POU2F3: variants seen among roughly 807,000 people sequenced by gnomAD.
POU2F3 encodes the protein POU domain, class 2, transcription factor 3.
A neutral mutation model predicts 59.2 loss-of-function variants in POU2F3; 23 were observed. The ratio of observed to expected loss-of-function variants is 0.39; its 90% CI spans 0.28 to 0.55. The LOEUF is 0.55. Among genes scored for constraint, POU2F3 ranks in the 20% least tolerant of loss-of-function variants. The probability of loss-of-function intolerance (pLI) is 0.66; values close to 1 mark genes in which losing one functional copy is unlikely to be tolerated. For synonymous variants in POU2F3, 190 were observed against 214.6 expected (o/e 0.89, Z 1.00); for missense variants, 473 against 544.5 (o/e 0.87, Z 1.31).
At chr11:120,236,763 G>C, upstream of POU2F3, 1 of 1,406,312 alleles carries the variant, frequency 7.1e-7, no homozygotes, top group Non-Finnish European at 9.7e-7. Context: ...TGATCAGTGA[G>C]CAAGTCTGAG....
At chr11:120,311,684 A>G (rs562346477) in intron 10 of POU2F3, among the ~76,000 whole-genome samples, 1 of 152,316 alleles carries the variant, frequency 6.6e-6, no homozygotes, top group Non-Finnish European at 1.5e-5. Flanking sequence ...GTCCTTGGGC[A>G]CTTGAGATTA....
At chr11:120,281,011 A>G (rs1049101125) in intron 3 of POU2F3, among the ~76,000 whole-genome samples, 7 of 152,148 alleles carry the variant, frequency 4.6e-5, no homozygotes, top group African/African-American at 1.7e-4. Flanking sequence ...TTTGCCCCCA[A>G]GTCAAAGAGG....
Position 120,305,187 on chromosome 11 carries a change from G to T in POU2F3, c.602G>T (p.Arg201Met). 6 of 1,613,900 alleles carry T rather than the reference G, an allele frequency of 3.7e-6. No individual in the cohort carries two copies. The highest frequency in any genetic ancestry group is 5.1e-6 in the Non-Finnish European group (6 of 1,179,984). Residue 201 changes from arginine to methionine, a missense_variant, in exon 7 of 13, where the codon AGG (arginine) becomes ATG (methionine). By Grantham distance (91) the Arg-to-Met change is moderately conservative. Transcript: ENST00000543440. ...AAGTTTGCCAAGACCTTCAAGCAGA[G>T]GCGCATTAAGCTGGGCTTCACACAG... ...LEKFAKTFKQ[R>M]RIKLGFTQGD...
chr11:120,304,912 G>A, intron 6 of POU2F3, 118 bp from the exon 7 acceptor site: 1 of 782,282 alleles, frequency 1.3e-6, no homozygotes, highest in African/African-American at 2.2e-5. Flanking sequence ...TGTATCCAGG[G>A]ATCTGTCATC....
At position 120,319,383 on chromosome 11, in the gene POU2F3, G is replaced by A. The variant is rs1411136671; in HGVS notation, c.*991G>A. 1 of 151,652 alleles carries A rather than the reference G, an allele frequency of 6.6e-6. No individual in the cohort carries two copies. Among genetic ancestry groups the A allele is most frequent in the East Asian group, 1.9e-4 (1 of 5,166 alleles). 9.4% of individuals were successfully genotyped at this position (151,652 alleles called of 1,614,324 possible). ...AAAAAAAAGGGGGGGAAATACCAAA[G>A]TGTGAAATACTGTGCTACCTTCCAG... On this transcript the variant is annotated 3_prime_UTR_variant, in exon 13 of 13. Coordinates refer to ENST00000543440, the MANE Select transcript of POU2F3 (RefSeq NM_014352.4).
upstream of POU2F3, chr11:120,236,693 C>T (rs898979961): frequency 7.3e-6 from 11 of 1,505,186 alleles, no homozygotes; most frequent in South Asian, 3.6e-5. Flanking sequence ...CCAAGAACTG[C>T]TAAAGGAGGA....
In POU2F3 at chr11:120,299,152, A is replaced by T. The variant is rs1018686721; in HGVS notation, c.259-472A>T. On this transcript the variant is annotated intron_variant, in intron 4 of 12. Transcript: ENST00000543440. Reference sequence around the variant, plus strand: ...AATGAATAGTTTGCTCCACCCCCCAACTCCCACCCCAACACCCTCCAGGAA... The same window carrying T: ...AATGAATAGTTTGCTCCACCCCCCATCTCCCACCCCAACACCCTCCAGGAA... Among the ~76,000 whole-genome samples, 4 of 152,060 alleles carry T rather than the reference A, an allele frequency of 2.6e-5. No individual in the cohort carries two copies. In the South Asian group the frequency reaches 8.3e-4, roughly 32 times the overall value.
intron 3 of POU2F3, among the ~76,000 whole-genome samples, chr11:120,271,566 C>G (rs917855905): frequency 6.6e-6 from 1 of 152,244 alleles, no homozygotes; most frequent in Non-Finnish European, 1.5e-5. Flanking sequence ...TCTTCCATAC[C>G]GAGACATGGC....
intron 3 of POU2F3, among the ~76,000 whole-genome samples, chr11:120,297,122 C>A (rs1335569750): frequency 6.6e-6 from 1 of 152,206 alleles, no homozygotes; most frequent in Non-Finnish European, 1.5e-5. Flanking sequence ...ATAGGAGGGT[C>A]TCCCCAATAT....
intron 3 of POU2F3, among the ~76,000 whole-genome samples, chr11:120,288,128 C>CAAAAAA: frequency 0.016 from 989 of 63,294 alleles, 99 homozygotes; most frequent in African/African-American, 0.059. Context: ...ACAAAAAAAC[C>CAAAAAA]AAAAAAAAAA....
At chr11:120,245,824 G>A (rs1043443934) in intron 1 of POU2F3, among the ~76,000 whole-genome samples, 2 of 152,136 alleles carry the variant, frequency 1.3e-5, no homozygotes, top group Non-Finnish European at 2.9e-5. Flanking sequence ...TGAAGGAGTA[G>A]GAGAGAAGGT....
At chr11:120,278,902 T>A (rs1940447453) in intron 3 of POU2F3, among the ~76,000 whole-genome samples, 1 of 152,118 alleles carries the variant, frequency 6.6e-6, no homozygotes, top group Non-Finnish European at 1.5e-5. Context: ...TCCCAGAACT[T>A]AAAGTATATA....
chr11:120,294,769 C>A (rs1941142658), intron 3 of POU2F3, among the ~76,000 whole-genome samples: 1 of 152,138 alleles, frequency 6.6e-6, no homozygotes, highest in Non-Finnish European at 1.5e-5. Context: ...CTAATAGAGA[C>A]CGCTGATCAA....
At chr11:120,236,819 A>G (rs764419806), upstream of POU2F3, 11 of 1,092,944 alleles carry the variant, frequency 1.0e-5, no homozygotes, top group East Asian at 2.6e-5. Flanking sequence ...AACCCTATAC[A>G]CAGGTGGGAC....
intron 1 of POU2F3, among the ~76,000 whole-genome samples, chr11:120,241,120 A>C (rs912992461): frequency 1.9e-4 from 29 of 152,224 alleles, no homozygotes; most frequent in African/African-American, 6.3e-4. Context: ...CCAGGCAGCC[A>C]GGTTGGGCTT....
At chr11:120,255,710 C>T (rs933423420) in intron 2 of POU2F3, among the ~76,000 whole-genome samples, 4 of 151,994 alleles carry the variant, frequency 2.6e-5, no homozygotes, top group Admixed American at 1.3e-4. Flanking sequence ...GAGGAGTCGG[C>T]GCTGGGCTGG....
intron 11 of POU2F3, among the ~76,000 whole-genome samples, chr11:120,316,250 T>A (rs1486739546): frequency 6.6e-6 from 1 of 152,158 alleles, no homozygotes; most frequent in Non-Finnish European, 1.5e-5. Flanking sequence ...AGAACACAGT[T>A]TGGGAAACAC....
intron 3 of POU2F3, among the ~76,000 whole-genome samples, chr11:120,288,128 C>CAAAAAAAAAAAAAAAAAAAAAA: frequency 5.4e-4 from 34 of 63,334 alleles, no homozygotes; most frequent in East Asian, 1.3e-3. Flanking sequence ...ACAAAAAAAC[C>CAAAAAAAAAAAAAAAAAAAAAA]AAAAAAAAAA....
intron 3 of POU2F3, among the ~76,000 whole-genome samples, chr11:120,289,845 C>T (rs910576289): frequency 6.6e-5 from 10 of 152,140 alleles, no homozygotes; most frequent in African/African-American, 2.4e-4. Context: ...CTTTTCTTTG[C>T]CACCTCTTAC....
Sources: allele counts gnomAD v4.1 joint callset (sites outside exome capture counted in the v4.1 genomes callset), GRCh38; gene constraint gnomAD v4.1.1; transcripts MANE v1.5; gene names NCBI Gene and HGNC (gene_info 2026-07-23, HGNC 2026-07-21).